The following TAFAZZIN variants were observed in gnomAD, a reference collection of about 807,000 sequenced individuals.
TAFAZZIN encodes the protein protein G4.5.
Under a neutral mutation model 27.3 loss-of-function variants are expected in TAFAZZIN, and 6 were observed. That is an observed-to-expected ratio of 0.22 (90% CI 0.12 to 0.43). TAFAZZIN has a LOEUF of 0.43. Among genes scored for constraint, TAFAZZIN ranks in the 20% least tolerant of loss-of-function variants. The pLI, the probability that TAFAZZIN is intolerant of heterozygous loss-of-function variation, is 1.00. For missense variants in TAFAZZIN, 127 were observed against 244.5 expected (o/e 0.52, Z 3.21); for synonymous variants, 79 against 96.2 (o/e 0.82, Z 1.04).
chrX:154,412,286 A>G, intron 2 of TAFAZZIN, 72 bp downstream of exon 2: 1 of 1,134,139 alleles, frequency 8.8e-7, no homozygotes, highest in Non-Finnish European at 1.2e-6. Flanking sequence ...TCGTCAGAAC[A>G]AACCCCTTCT....
At position 154,421,713 on chromosome X, in the gene TAFAZZIN, G is replaced by A. The variant is rs1557195017; in HGVS notation, c.*709G>A. 1 of 329,673 alleles carries A rather than the reference G, an allele frequency of 3.0e-6. No individual in the cohort carries two copies. The highest frequency in any genetic ancestry group is 3.1e-5 in the Admixed American group (1 of 32,292). 27.2% of individuals were successfully genotyped at this position (329,673 alleles called of 1,213,427 possible). A position where few individuals can be genotyped will look rare whatever the true frequency, so the allele number is the denominator to read the frequency against. On this transcript the variant is annotated 3_prime_UTR_variant, in exon 11 of 11. Transcript: ENST00000601016. ...AACAGAACCATAAAGCATATGTGTT[G>A]GCTTGTTGTAAAATGTCTCTGGCCT...
At chrX:154,415,293 C>T (rs1465621118) in intron 5 of TAFAZZIN, among the ~76,000 whole-genome samples, 8 of 108,770 alleles carry the variant, frequency 7.4e-5, no homozygotes, top group African/African-American at 2.4e-4. Flanking sequence ...TACTACATTG[C>T]CAGGGCTGGT....
intron 5 of TAFAZZIN, chrX:154,419,310 C>T (rs1185078705): frequency 2.7e-5 from 12 of 436,951 alleles, no homozygotes; most frequent in Non-Finnish European, 4.8e-5. Context: ...GCCATGCAGG[C>T]CCTGGAGACG....
chrX:154,420,645 G>A lies in TAFAZZIN; in HGVS notation c.700-13G>A, dbSNP rs2068602941. The A allele has an allele frequency of 9.1e-6, 11 of 1,210,535 alleles. No individual in the cohort carries two copies. The highest frequency in any genetic ancestry group is 1.2e-5 in the Non-Finnish European group (11 of 894,789). The stretch of plus-strand genomic sequence containing the variant: ...CCTACTGCTCCTCATCACTCTTGGC[G>A]GCCACCCCACAGAAAATCACTGTGC... On this transcript the variant is annotated splice_polypyrimidine_tract_variant and intron_variant, in intron 9 of 10. Transcript: ENST00000601016.
At chrX:154,420,175 C>T (rs367752119) in intron 8 of TAFAZZIN, 37 bp from the exon 9 acceptor site, 31 of 1,209,263 alleles carry the variant, frequency 2.6e-5, no homozygotes, top group African/African-American at 2.5e-4. Flanking sequence ...CTGCCCTGCT[C>T]CACCCCACGT....
rs782644330 is a variant in TAFAZZIN at position 154,419,592 on chromosome X, C to T, written c.510C>T (p.Asn170=). The T allele has an allele frequency of 2.4e-5, 29 of 1,210,432 alleles. No individual in the cohort carries two copies. Among genetic ancestry groups the T allele is most frequent in the Non-Finnish European group, 2.7e-5 (24 of 895,144 alleles). ...TGGACTTCATTTTGGAGAAGCTCAA[C>T]CATGGGGACTGGGTGCATATCTTCC... is the stretch of plus-strand genomic sequence containing the variant. ...KGMDFILEKL[N]HGDWVHIFPE... is the part of the protein sequence containing the mutation. The change falls in exon 6 of 11, where the codon AAC becomes AAT. Residue 170 remains asparagine (N), a synonymous_variant. Coordinates refer to ENST00000601016, the MANE Select transcript of TAFAZZIN (RefSeq NM_000116.5).
intron 5 of TAFAZZIN, among the ~76,000 whole-genome samples, chrX:154,418,202 G>A (rs782431618): frequency 2.7e-5 from 3 of 111,757 alleles, no homozygotes; most frequent in African/African-American, 6.5e-5. Context: ...CACATGCTGC[G>A]TCCCAAGTAG....
chrX:154,414,691 C>CA (rs35339645), intron 5 of TAFAZZIN, among the ~76,000 whole-genome samples: 8,276 of 54,061 alleles, frequency 0.15, 479 homozygotes, highest in South Asian at 0.21. Context: ...GACTCCGTCT[C>CA]AAAAAAAAAA....
At chrX:154,411,982 C>T in intron 1 of TAFAZZIN, 30 bp downstream of exon 1, 2 of 1,199,761 alleles carry the variant, frequency 1.7e-6, no homozygotes, top group Non-Finnish European at 2.3e-6. Flanking sequence ...GGCAGGCCCG[C>T]CCGGGTACCC....
rs1171812776 is a variant in TAFAZZIN at position 154,421,454 on chromosome X, T to A, written c.*450T>A. 2 of 332,431 alleles carry A rather than the reference T, an allele frequency of 6.0e-6. No individual in the cohort carries two copies. Among genetic ancestry groups the A allele is most frequent in the African/African-American group, 5.2e-5 (2 of 38,114 alleles). The allele number at this position is 332,431 out of a possible 1,213,427, so 27.4% of individuals were successfully genotyped here. A position where few individuals can be genotyped will look rare whatever the true frequency, so the allele number is the denominator to read the frequency against. ...GGGATGGCCGTTGGCCACGTCTTCC[T>A]TCTGCCTGAGCTTCCCCCCCACCAC... is the stretch of plus-strand genomic sequence containing the variant. On this transcript the variant is annotated 3_prime_UTR_variant, in exon 11 of 11. Transcript: ENST00000601016.
intron 7 of TAFAZZIN, 22 bp downstream of exon 7, chrX:154,419,768 C>G: frequency 8.3e-7 from 1 of 1,211,727 alleles, no homozygotes; most frequent in Non-Finnish European, 1.1e-6. Flanking sequence ...TGGTCTCTGG[C>G]CACAGCCATC....
Position 154,411,872 on chromosome X carries a change from C to G in TAFAZZIN, c.29C>G (p.Pro10Arg), listed in dbSNP as rs781941217. The change falls in exon 1 of 11, where the codon CCC (proline) becomes CGC (arginine). Residue 10 changes from proline to arginine, a missense_variant. Pro to Arg is a moderately radical substitution (Grantham distance 103). Around this residue, in one of 3 missense-constraint regions of TAFAZZIN, gnomAD observed 17 missense variants for 16.2 expected, o/e 1.05. Transcript: ENST00000601016. Reference sequence around the variant, plus strand: ...CCTCTGCACGTGAAGTGGCCGTTCCCCGCGGTGCCGCCGCTCACCTGGACC... The same window carrying G: ...CCTCTGCACGTGAAGTGGCCGTTCCGCGCGGTGCCGCCGCTCACCTGGACC... MPLHVKWPF[P>R]AVPPLTWTLA... 2.5e-6 allele frequency: 3 copies of G among 1,203,571 alleles called. No individual in the cohort carries two copies. The highest frequency in any genetic ancestry group is 2.2e-6 in the Non-Finnish European group (2 of 893,214).
intron 9 of TAFAZZIN, 52 bp downstream of exon 9, chrX:154,420,316 G>T (rs782226081): frequency 8.4e-7 from 1 of 1,188,289 alleles, no homozygotes; most frequent in Non-Finnish European, 1.1e-6. Context: ...TGTCTGCTCC[G>T]TGTCTCCCAC....
In TAFAZZIN at chrX:154,420,974, G is replaced by C. The variant is rs1025920600; in HGVS notation, c.849G>C (p.Gln283His). The C allele has an allele frequency of 5.8e-6, 7 of 1,211,790 alleles. No individual in the cohort carries two copies. Among genetic ancestry groups the C allele is most frequent in the Non-Finnish European group, 7.8e-6 (7 of 895,310 alleles). The part of the protein sequence containing the change: ...EFQHLKTQAE[Q>H]LHNHLQPGR The stretch of plus-strand genomic sequence containing the variant: ...AGCATCTGAAGACTCAGGCAGAGCA[G>C]CTCCACAACCACCTCCAGCCTGGGA... Residue 283 changes from glutamine to histidine, a missense_variant, in exon 11 of 11, where the codon CAG (glutamine) becomes CAC (histidine). By Grantham distance (24) the Gln-to-His change is conservative (BLOSUM62 0). Around this residue, in one of 3 missense-constraint regions of TAFAZZIN, gnomAD observed 31 missense variants for 39.6 expected, o/e 0.78. Coordinates refer to ENST00000601016, the MANE Select transcript of TAFAZZIN (RefSeq NM_000116.5).
intron 5 of TAFAZZIN, among the ~76,000 whole-genome samples, chrX:154,415,114 G>GA (rs2068446993): frequency 9.1e-6 from 1 of 110,095 alleles, no homozygotes; most frequent in African/African-American, 3.3e-5. Context: ...TTTTCCTTGA[G>GA]ACAATGTCTG....
chrX:154,412,636 G>T (rs2068348999), intron 2 of TAFAZZIN: 2 of 193,525 alleles, frequency 1.0e-5, no homozygotes, highest in Non-Finnish European at 1.9e-5. Flanking sequence ...GTACCGTTCA[G>T]CCCTATTTGG....
At chrX:154,420,389 G>A (rs2068595760) in intron 9 of TAFAZZIN, 125 bp downstream of exon 9, 3 of 895,990 alleles carry the variant, frequency 3.3e-6, no homozygotes, top group East Asian at 3.1e-5. Flanking sequence ...GGGACAGAGT[G>A]GAACATAGAC....
In TAFAZZIN at chrX:154,421,129, C is replaced by A; in HGVS notation, c.*125C>A. ...TCATAGACCCTCTCAAGTGCCCTCT[C>A]CGAGCTGGTAGGCATTCCAGCTCCT... On this transcript the variant is annotated 3_prime_UTR_variant, in exon 11 of 11. Transcript: ENST00000601016. 1 of 630,749 alleles carries A rather than the reference C, an allele frequency of 1.6e-6. No individual in the cohort carries two copies. The highest frequency in any genetic ancestry group is 2.5e-6 in the Non-Finnish European group (1 of 392,525). The allele number at this position is 630,749 out of a possible 1,213,427, so 52.0% of individuals were successfully genotyped here.
chrX:154,419,308 G>A, intron 5 of TAFAZZIN: 1 of 438,702 alleles, frequency 2.3e-6, no homozygotes, highest in East Asian at 3.8e-5. Flanking sequence ...GTGCCATGCA[G>A]GCCCTGGAGA....
Sources: allele counts gnomAD v4.1 joint callset (sites outside exome capture counted in the v4.1 genomes callset), GRCh38; gene constraint gnomAD v4.1.1; regional missense constraint gnomAD v4.1.1; transcripts MANE v1.5; gene names NCBI Gene and HGNC (gene_info 2026-07-23, HGNC 2026-07-21).